VPS13A: variants seen among roughly 807,000 people sequenced by gnomAD.
VPS13A encodes vacuolar protein sorting 13 homolog A.
In VPS13A, 264 loss-of-function variants were observed where a neutral mutation model predicts 390.9. That is an observed-to-expected ratio of 0.68 (90% confidence interval 0.61 to 0.75). The LOEUF (loss-of-function observed/expected upper bound fraction) is 0.75. Among genes scored for constraint, VPS13A ranks in the 30% least tolerant of loss-of-function variants. The probability of loss-of-function intolerance (pLI) is 0.00; values close to 1 mark genes in which losing one functional copy is unlikely to be tolerated. For synonymous variants in VPS13A, 1,231 were observed against 1,227.1 expected (o/e 1.00, Z -0.07); for missense variants, 3,409 against 3,733.9 (o/e 0.91, Z 2.27).
chr9:77,212,287 A>G (rs777024497), intron 7 of VPS13A, among the ~76,000 whole-genome samples: 1 of 152,062 alleles, frequency 6.6e-6, no homozygotes, highest in Non-Finnish European at 1.5e-5. Context: ...TCTGTTTTGC[A>G]TTATATTCTC....
chr9:77,314,784 A>G (rs1829291551), intron 37 of VPS13A, 120 bp downstream of exon 37: 1 of 942,498 alleles, frequency 1.1e-6, no homozygotes, highest in East Asian at 2.5e-5. Context: ...TTAAAGCTTC[A>G]ATTCAGTCAG....
intron 3 of VPS13A, among the ~76,000 whole-genome samples, chr9:77,203,939 C>T (rs927554327): frequency 1.9e-4 from 29 of 151,968 alleles, no homozygotes; most frequent in African/African-American, 6.3e-4. Flanking sequence ...CCTGTAATCC[C>T]GGTACTTTGG....
chr9:77,218,907 A>G (rs1220597409), intron 10 of VPS13A, among the ~76,000 whole-genome samples: 1 of 152,140 alleles, frequency 6.6e-6, no homozygotes, highest in African/African-American at 2.4e-5. Flanking sequence ...ACCCAGCAGT[A>G]TGTTTTTACC....
At chr9:77,412,124 T>A (rs1834963403) in intron 71 of VPS13A, among the ~76,000 whole-genome samples, 3 of 152,062 alleles carry the variant, frequency 2.0e-5, no homozygotes, top group Admixed American at 2.0e-4. Flanking sequence ...CCAAAAAAAG[T>A]CCAGGACCAG....
chr9:77,213,850 A>G (rs1263288554), intron 9 of VPS13A, among the ~76,000 whole-genome samples: 1 of 152,132 alleles, frequency 6.6e-6, no homozygotes, highest in African/African-American at 2.4e-5. Flanking sequence ...TTATAAGATT[A>G]GTTTGGTGAG....
At position 77,276,241 on chromosome 9, in the gene VPS13A, A is replaced by T. The variant is rs774111785; in HGVS notation, c.2824+20A>T. 1.2e-5 allele frequency: 19 copies of T among 1,547,324 alleles called. No homozygotes were observed. Among genetic ancestry groups the T allele is most frequent in the Non-Finnish European group, 1.5e-5 (17 of 1,146,282 alleles). Reference sequence around the variant, plus strand: ...ACTTGGGTAAGAATCTCTATTTTTTAAAATAAATAAATTAATTTCATTGTT... The same window carrying T: ...ACTTGGGTAAGAATCTCTATTTTTTTAAATAAATAAATTAATTTCATTGTT... On this transcript the variant is annotated intron_variant, in intron 26 of 71. Transcript: ENST00000360280.
chr9:77,356,642 T>C, intron 54 of VPS13A, 72 bp from the exon 55 acceptor site: 1 of 1,482,468 alleles, frequency 6.7e-7, no homozygotes, highest in African/African-American at 1.4e-5. Context: ...TTGTAATTCA[T>C]GTAATAAACC....
At chr9:77,402,567 A>G (rs1834436217) in intron 68 of VPS13A, among the ~76,000 whole-genome samples, 1 of 150,698 alleles carries the variant, frequency 6.6e-6, no homozygotes, top group African/African-American at 2.5e-5. Flanking sequence ...CAGAGCAAAT[A>G]TTACTGAAAA....
chr9:77,224,201 A>G (rs73651500), intron 13 of VPS13A, among the ~76,000 whole-genome samples: 2,168 of 152,318 alleles, frequency 0.014, 50 homozygotes, highest in African/African-American at 0.05. Flanking sequence ...ATAGAGATAT[A>G]CAAAGAGATG....
At chr9:77,397,040 G>A (rs754880443) in intron 68 of VPS13A, among the ~76,000 whole-genome samples, 6 of 152,166 alleles carry the variant, frequency 3.9e-5, no homozygotes, top group Non-Finnish European at 7.3e-5. Flanking sequence ...CCAGGCTGGA[G>A]TGCAATGGTG....
At chr9:77,228,600 A>G (rs1017912671) in intron 17 of VPS13A, among the ~76,000 whole-genome samples, 1 of 152,164 alleles carries the variant, frequency 6.6e-6, no homozygotes, top group Admixed American at 6.5e-5. Flanking sequence ...ATACCCTACA[A>G]TTCATTTAAA....
chr9:77,188,681 T>G (rs745675950), intron 1 of VPS13A, among the ~76,000 whole-genome samples: 1 of 152,132 alleles, frequency 6.6e-6, no homozygotes, highest in Non-Finnish European at 1.5e-5. Context: ...CTTTGGTAGT[T>G]CTTAGTTCTT....
At chr9:77,340,684 G>A in intron 50 of VPS13A, 134 bp downstream of exon 50, 2 of 1,081,090 alleles carry the variant, frequency 1.8e-6, no homozygotes, top group Non-Finnish European at 2.7e-6. Flanking sequence ...AATCTTTATT[G>A]AATATTTGTG....
chr9:77,201,524 C>A, intron 3 of VPS13A, 117 bp downstream of exon 3: 1 of 974,068 alleles, frequency 1.0e-6, no homozygotes, highest in South Asian at 1.3e-5. Flanking sequence ...TAAAAATAAT[C>A]ATGTGTTTTT....
At chr9:77,300,954 C>T (rs1333985273) in intron 33 of VPS13A, among the ~76,000 whole-genome samples, 1 of 152,178 alleles carries the variant, frequency 6.6e-6, no homozygotes, top group East Asian at 1.9e-4. Context: ...ATGAAGCTTT[C>T]ATTCTAATTA....
At position 77,302,923 on chromosome 9, in the gene VPS13A, T is replaced by G. The variant is rs1828467206; in HGVS notation, c.3821T>G (p.Phe1274Cys). 1 of 1,613,330 alleles carries G rather than the reference T, an allele frequency of 6.2e-7. No homozygotes were observed. The highest frequency in any genetic ancestry group is 8.5e-7 in the Non-Finnish European group (1 of 1,179,442). ...GTTATCTCTACTTATAGATCTCGAT[T>G]TATTAATGATGCATACCAGGAAGTA... ...LSEMRLYRSRFINDAYQEVLD... is the reference protein window; with the variant it reads ...LSEMRLYRSRCINDAYQEVLD... Residue 1274 changes from phenylalanine to cysteine, a missense_variant, in exon 34 of 72, where the codon TTT (phenylalanine) becomes TGT (cysteine). Around this residue, in one of 5 missense-constraint regions of VPS13A, gnomAD observed 2,717 missense variants for 2,917.4 expected, o/e 0.93. Transcript: ENST00000360280.
chr9:77,227,509 C>T (rs761869434), intron 16 of VPS13A, 24 bp downstream of exon 16: 1 of 1,499,012 alleles, frequency 6.7e-7, no homozygotes, highest in South Asian at 1.1e-5. Flanking sequence ...TTGCCTTATA[C>T]CTTAGAATAT....
rs780906029 is a variant in VPS13A, at chr9:77,356,845, T to C, written c.7784T>C (p.Ile2595Thr). 8 of 1,613,930 alleles carry C rather than the reference T, an allele frequency of 5.0e-6. No homozygotes were observed. The South Asian group carries it at 8.8e-5, about 18-fold the overall frequency. ...TCTTCTCCTTCAGAAGATAAGGTTA[T>C]TCAGTTGGACACTAATGTTCCGGTA... ...TESSPSEDKVIQLDTNVPVRL... is the reference protein window; with the variant it reads ...TESSPSEDKVTQLDTNVPVRL... The change falls in exon 55 of 72, where the codon ATT becomes ACT. Residue 2595 changes from isoleucine to threonine, a missense_variant. Ile to Thr is a moderately conservative substitution (Grantham distance 89). Transcript: ENST00000360280.
chr9:77,283,964 CTTTT>C (rs779066797), intron 31 of VPS13A, among the ~76,000 whole-genome samples: 5 of 129,590 alleles, frequency 3.9e-5, no homozygotes, highest in Admixed American at 7.6e-5. Context: ...ACCTTTTTCA[CTTTT>C]TTTTTTTTTT....
Sources: gnomAD v4.1 joint callset for allele counts (sites outside exome capture counted in the v4.1 genomes callset) on GRCh38, gnomAD v4.1.1 for gene constraint, gnomAD v4.1.1 regional missense constraint, MANE v1.5 for transcripts, NCBI Gene and HGNC (gene_info 2026-07-23, HGNC 2026-07-21) for gene names.